Variants in DMXL1 observed in about 807,000 individuals in gnomAD.
DMXL1 encodes dmX-like protein 1.
DMXL1 carries 99 observed loss-of-function variants against 319.2 expected under a neutral mutation model. The observed-to-expected ratio is 0.31, with a 90% CI of 0.26 to 0.37. DMXL1 has a LOEUF of 0.37. Ranked by LOEUF, DMXL1 falls within the 10% of genes least tolerant of loss-of-function variation. The probability of loss-of-function intolerance (pLI) is 1.00; values close to 1 mark genes in which losing one functional copy is unlikely to be tolerated. For synonymous variants in DMXL1, 1,385 were observed against 1,235.2 expected (o/e 1.12, Z -2.54); for missense variants, 3,745 against 3,595.6 (o/e 1.04, Z -1.06).
At chr5:119,194,268 C>T (rs898037093) in intron 30 of DMXL1, among the ~76,000 whole-genome samples, 1 of 152,192 alleles carries the variant, frequency 6.6e-6, no homozygotes, top group Non-Finnish European at 1.5e-5. Context: ...CATCATTCCT[C>T]ACAGATCTTG....
chr5:119,116,345 A>C lies in DMXL1; in HGVS notation c.743+9A>C, dbSNP rs761849272. The C allele has an allele frequency of 4.3e-6, 7 of 1,610,626 alleles. No individual in the cohort carries two copies. Among genetic ancestry groups the C allele is most frequent in the Non-Finnish European group, 5.9e-6 (7 of 1,178,194 alleles). On this transcript the variant is annotated intron_variant, in intron 7 of 43. Coordinates refer to ENST00000539542, the MANE Select transcript of DMXL1 (RefSeq NM_001290321.3). ...AGCAAATATATGCCTAGGTCAGTGG[A>C]TTGGTCATTTCCCTCCACATATTAA...
chr5:119,089,004 G>A (rs1209086176), intron 1 of DMXL1, among the ~76,000 whole-genome samples: 1 of 151,160 alleles, frequency 6.6e-6, no homozygotes, highest in East Asian at 1.9e-4. Flanking sequence ...TTGCATATTA[G>A]TGGTTTTTTT....
rs1272017885 is a variant in DMXL1, at chr5:119,123,288, GCGTGGAAAGAGGGAGAGGGGAGAC to G, written c.1102+2159_1102+2182del. On this transcript the variant is annotated intron_variant, in intron 9 of 43. Coordinates refer to ENST00000539542, the MANE Select transcript of DMXL1 (RefSeq NM_001290321.3). ...GCTTCGGCTCGGCATCAGAGGGAGA[GCGTGGAAAGAGGGAGAGGGGAGAC>G]CGTGGAAAGGGGAGAGGGAGAGGAG... Among the ~76,000 whole-genome samples, 14 of 151,168 alleles carry G rather than the reference GCGTGGAAAGAGGGAGAGGGGAGAC, an allele frequency of 9.3e-5. No individual in the cohort carries two copies. The South Asian group carries it at 2.1e-3, about 23-fold the overall frequency.
chr5:119,072,728 A>C (rs1749906755), intron 1 of DMXL1, among the ~76,000 whole-genome samples: 1 of 152,184 alleles, frequency 6.6e-6, no homozygotes, highest in Non-Finnish European at 1.5e-5. Flanking sequence ...CCTGAATTGT[A>C]CTTTTAGAAT....
chr5:119,151,318 TATATACGTCA>T (rs1769743344), intron 18 of DMXL1, among the ~76,000 whole-genome samples: 1 of 152,262 alleles, frequency 6.6e-6, no homozygotes, highest in Non-Finnish European at 1.5e-5. Context: ...TTGTAGACCA[TATATACGTCA>T]GTATCCCTTT....
intron 3 of DMXL1, 57 bp from the exon 4 acceptor site, chr5:119,105,123 A>G: frequency 2.7e-6 from 3 of 1,124,370 alleles, no homozygotes; most frequent in African/African-American, 1.5e-5. Flanking sequence ...AAACGTACAC[A>G]TTTGACAGAG....
chr5:119,098,537 A>G (rs1756506802), intron 2 of DMXL1, among the ~76,000 whole-genome samples: 1 of 151,888 alleles, frequency 6.6e-6, no homozygotes, highest in Non-Finnish European at 1.5e-5. Context: ...GAAATGAAAA[A>G]CTCTTTGAGA....
At chr5:119,141,713 T>A (rs938299071) in intron 13 of DMXL1, among the ~76,000 whole-genome samples, 4 of 152,122 alleles carry the variant, frequency 2.6e-5, no homozygotes, top group Non-Finnish European at 5.9e-5. Context: ...GATTCAATGC[T>A]ATTCCTATCA....
intron 5 of DMXL1, among the ~76,000 whole-genome samples, chr5:119,111,420 T>G (rs555676445): frequency 2.0e-5 from 3 of 152,208 alleles, no homozygotes; most frequent in Admixed American, 2.0e-4. Flanking sequence ...TTTTATATAT[T>G]AGGTTAAATA....
rs139011434 is a variant in DMXL1 at position 119,199,079 on chromosome 5, G to C, written c.7745+1123G>C. On this transcript the variant is annotated intron_variant, in intron 32 of 43. Transcript: ENST00000539542. ...TTTTTTGTATTTTTTGTAGAGACAG[G>C]GTTTCACCTTGTTACTCAGGCTGGT... Among the ~76,000 whole-genome samples the C allele has an allele frequency of 3.1e-3, 472 of 152,154 alleles. 6 individuals carry two copies. The East Asian group carries it at 0.039, about 13-fold the overall frequency.
intron 37 of DMXL1, among the ~76,000 whole-genome samples, chr5:119,222,036 TC>T (rs1784732918): frequency 6.6e-6 from 1 of 151,990 alleles, no homozygotes; most frequent in Non-Finnish European, 1.5e-5. Flanking sequence ...TAGAATGCTT[TC>T]CTTGGCCAAA....
chr5:119,129,475 A>G (rs748319576), intron 10 of DMXL1, 52 bp downstream of exon 10: 184 of 1,325,990 alleles, frequency 1.4e-4, no homozygotes, highest in Non-Finnish European at 1.9e-4. Context: ...AATAGCAAAC[A>G]TTTTCATATT....
At chr5:119,246,847 G>A (rs554454475) in intron 43 of DMXL1, 148 bp from the exon 44 acceptor site, 1 of 546,698 alleles carries the variant, frequency 1.8e-6, no homozygotes, top group Non-Finnish European at 3.3e-6. Context: ...TGGTCAGGCT[G>A]GTCTTGAACT....
At chr5:119,166,534 C>G in intron 21 of DMXL1, 82 bp from the exon 22 acceptor site, 1 of 1,276,648 alleles carries the variant, frequency 7.8e-7, no homozygotes, top group East Asian at 2.4e-5. Flanking sequence ...TAGACTTAGC[C>G]AAATCTTAAC....
chr5:119,187,701 T>TCATCTCA lies in DMXL1; in HGVS notation c.7136-2007_7136-2006insCATCTCA, dbSNP rs1384170651. On this transcript the variant is annotated intron_variant, in intron 28 of 43. Coordinates refer to ENST00000539542, the MANE Select transcript of DMXL1 (RefSeq NM_001290321.3). Reference sequence around the variant, plus strand: ...TTTTTGAGATGAAGTCTTGCTCTGTTGCCCAGGCTGGAGTGCAGTGGTGCG... The same window carrying TCATCTCA: ...TTTTTGAGATGAAGTCTTGCTCTGTTCATCTCAGCCCAGGCTGGAGTGCAGTGGTGCG... 2.6e-5 allele frequency among the ~76,000 whole-genome samples: 4 copies of TCATCTCA among 152,314 alleles called. No individual in the cohort carries two copies. The East Asian group carries it at 7.7e-4, about 29-fold the overall frequency.
intron 2 of DMXL1, among the ~76,000 whole-genome samples, chr5:119,099,182 T>G (rs930304946): frequency 5.1e-5 from 5 of 98,530 alleles, no homozygotes; most frequent in African/African-American, 2.5e-4. Context: ...TGGGTTTTTT[T>G]TTTGTTTTTT....
chr5:119,196,588 T>C (rs1779683640), intron 31 of DMXL1, 132 bp downstream of exon 31: 4 of 658,874 alleles, frequency 6.1e-6, no homozygotes, highest in South Asian at 5.6e-5. Flanking sequence ...GTTAGATTTC[T>C]TTTAACTAAA....
intron 5 of DMXL1, among the ~76,000 whole-genome samples, chr5:119,110,649 C>G: frequency 6.6e-6 from 1 of 152,126 alleles, no homozygotes. Flanking sequence ...TTGCCAAAAT[C>G]TGAGTGGAAT....
At chr5:119,122,258 G>A (rs1318944291) in intron 9 of DMXL1, among the ~76,000 whole-genome samples, 52 of 145,618 alleles carry the variant, frequency 3.6e-4, no homozygotes, top group South Asian at 4.4e-4. Context: ...CTGGCTGGGC[G>A]GGGGGCCGAC....
Sources: allele counts gnomAD v4.1 joint callset (sites outside exome capture counted in the v4.1 genomes callset), GRCh38; gene constraint gnomAD v4.1.1; transcripts MANE v1.5; gene names NCBI Gene and HGNC (gene_info 2026-07-23, HGNC 2026-07-21).